ANKIB1: variants seen among roughly 807,000 people sequenced by gnomAD.
ANKIB1 encodes the protein ankyrin repeat and IBR domain-containing protein 1.
ANKIB1 carries 43 observed loss-of-function variants against 122.1 expected under a neutral mutation model. The ratio of observed to expected loss-of-function variants is 0.35; its 90% CI spans 0.28 to 0.45. ANKIB1 has a LOEUF of 0.45. ANKIB1 is among the 20% of genes least tolerant of loss of function. The probability of loss-of-function intolerance (pLI) is 1.00; values close to 1 mark genes in which losing one functional copy is unlikely to be tolerated. For synonymous variants in ANKIB1, 390 were observed against 442.0 expected (o/e 0.88, Z 1.48); for missense variants, 992 against 1,329.5 (o/e 0.75, Z 3.95).
intron 7 of ANKIB1, 142 bp from the exon 8 acceptor site, chr7:92,350,808 G>A (rs1473533226): frequency 1.4e-6 from 1 of 737,894 alleles, no homozygotes; most frequent in Non-Finnish European, 2.1e-6. Flanking sequence ...AGTGATCTGT[G>A]ATCGTGCCAC....
intron 1 of ANKIB1, among the ~76,000 whole-genome samples, chr7:92,276,002 T>G (rs1419526894): frequency 2.0e-5 from 3 of 152,226 alleles, no homozygotes; most frequent in Non-Finnish European, 4.4e-5. Flanking sequence ...CATATGTCTT[T>G]GTGTGTGGTA....
At chr7:92,349,704 T>C (rs1313087067) in intron 7 of ANKIB1, among the ~76,000 whole-genome samples, 3 of 152,180 alleles carry the variant, frequency 2.0e-5, no homozygotes, top group African/African-American at 7.2e-5. Context: ...GAATTCTTAC[T>C]CTATGTCATG....
At chr7:92,277,131 A>G (rs1801920953) in intron 1 of ANKIB1, among the ~76,000 whole-genome samples, 1 of 152,146 alleles carries the variant, frequency 6.6e-6, no homozygotes, top group South Asian at 2.1e-4. Flanking sequence ...AGGCCTCTCC[A>G]GAAGTGGAGC....
At position 92,246,329 on chromosome 7, in the gene ANKIB1, C is replaced by G. The variant is rs1285065452; in HGVS notation, c.-281C>G. On this transcript the variant is annotated 5_prime_UTR_variant, in exon 1 of 20. Transcript: ENST00000265742. ...CAGCGCTTCCCGCGGGCCGCCAGTG[C>G]GCACCCTCGGCCACATCAGCCTCCG... The G allele has an allele frequency of 2.4e-6, 1 of 422,404 alleles. No individual in the cohort carries two copies. Among genetic ancestry groups the G allele is most frequent in the Non-Finnish European group, 4.7e-6 (1 of 214,184 alleles). 26.2% of individuals were successfully genotyped at this position (422,404 alleles called of 1,614,324 possible). A position where few individuals can be genotyped will look rare whatever the true frequency, so the allele number is the denominator to read the frequency against.
At chr7:92,378,335 T>G (rs900481899) in intron 11 of ANKIB1, among the ~76,000 whole-genome samples, 1 of 152,128 alleles carries the variant, frequency 6.6e-6, no homozygotes, top group Non-Finnish European at 1.5e-5. Flanking sequence ...TTGGAGTATT[T>G]AGGATTTCTG....
chr7:92,366,685 A>C (rs919676037), intron 10 of ANKIB1, among the ~76,000 whole-genome samples: 1 of 152,174 alleles, frequency 6.6e-6, no homozygotes, highest in African/African-American at 2.4e-5. Context: ...AGTTCATTAT[A>C]ATCTTCTGTT....
At position 92,314,156 on chromosome 7, in the gene ANKIB1, G is replaced by T. The variant is rs979351208; in HGVS notation, c.487-5174G>T. ...CTACTAAAAATCAAAAAATTAGCCA[G>T]TCGTGGTGATGCACGCCTGTAGTCC... On this transcript the variant is annotated intron_variant, in intron 3 of 19. Transcript: ENST00000265742. 3.3e-5 allele frequency among the ~76,000 whole-genome samples: 5 copies of T among 151,986 alleles called. No homozygotes were observed. In the East Asian group the frequency reaches 7.7e-4, roughly 23 times the overall value.
chr7:92,278,075 ACT>A (rs773216823), intron 1 of ANKIB1, among the ~76,000 whole-genome samples: 4 of 150,174 alleles, frequency 2.7e-5, no homozygotes, highest in African/African-American at 4.9e-5. Context: ...CAAAAGTGAA[ACT>A]CTGTGTCAAA....
intron 15 of ANKIB1, among the ~76,000 whole-genome samples, chr7:92,390,903 A>G (rs955986144): frequency 9.9e-5 from 15 of 152,188 alleles, no homozygotes; most frequent in Admixed American, 2.6e-4. Flanking sequence ...TTTGTAATCT[A>G]TACCAATTTC....
In ANKIB1 at chr7:92,338,968, ATATT is replaced by A. The variant is rs1192918191; in HGVS notation, c.788-4052_788-4049del. Among the ~76,000 whole-genome samples the A allele has an allele frequency of 2.5e-3, 230 of 93,038 alleles. 4 individuals are homozygous for A. The highest frequency in any genetic ancestry group is 8.0e-3 in the East Asian group (15 of 1,872). The allele number at this position is 93,038 out of a possible 152,430, so 61.0% of individuals were successfully genotyped here. On this transcript the variant is annotated intron_variant, in intron 5 of 19. Coordinates refer to ENST00000265742, the MANE Select transcript of ANKIB1 (RefSeq NM_019004.2). ...TATATATATATATATATATATATAT[ATATT>A]TATATGAATCTTCCTTTTTTCTTTA...
At chr7:92,381,532 C>T (rs983420279) in intron 11 of ANKIB1, among the ~76,000 whole-genome samples, 3 of 152,330 alleles carry the variant, frequency 2.0e-5, no homozygotes, top group East Asian at 1.9e-4. Context: ...ATCAGACTAA[C>T]AGCGGATCTC....
chr7:92,371,354 GA>G (rs1804250412), intron 10 of ANKIB1, 122 bp from the exon 11 acceptor site: 2 of 839,912 alleles, frequency 2.4e-6, no homozygotes, highest in African/African-American at 3.5e-5. Context: ...ACCCTGATCA[GA>G]AAATAAATAT....
At chr7:92,247,218 T>A (rs1256494471) in intron 1 of ANKIB1, among the ~76,000 whole-genome samples, 2 of 152,228 alleles carry the variant, frequency 1.3e-5, no homozygotes, top group Non-Finnish European at 2.9e-5. Context: ...TACTGGTAGA[T>A]CTGACAGATA....
chr7:92,284,768 A>G (rs1802082850), intron 1 of ANKIB1, among the ~76,000 whole-genome samples: 1 of 152,166 alleles, frequency 6.6e-6, no homozygotes, highest in Admixed American at 6.5e-5. Context: ...GGCCCAGCTT[A>G]ATAATTTGTA....
chr7:92,393,064 A>G (rs923146696), intron 17 of ANKIB1, among the ~76,000 whole-genome samples: 2 of 152,054 alleles, frequency 1.3e-5, no homozygotes, highest in Non-Finnish European at 1.5e-5. Flanking sequence ...ATAACCCTTC[A>G]ACTTAATTTT....
chr7:92,366,152 G>A (rs1292274414), intron 10 of ANKIB1, among the ~76,000 whole-genome samples: 2 of 152,074 alleles, frequency 1.3e-5, no homozygotes, highest in African/African-American at 4.8e-5. Context: ...AATTAGTCTA[G>A]CATATTATTC....
chr7:92,325,730 C>T (rs1803013278), intron 4 of ANKIB1, among the ~76,000 whole-genome samples: 1 of 150,960 alleles, frequency 6.6e-6, no homozygotes, highest in Non-Finnish European at 1.5e-5. Flanking sequence ...TTCATAACTT[C>T]TTTATGTGAC....
intron 14 of ANKIB1, among the ~76,000 whole-genome samples, chr7:92,388,912 A>T (rs1315852148): frequency 6.6e-6 from 1 of 152,196 alleles, no homozygotes; most frequent in South Asian, 2.1e-4. Context: ...ATATAACTAT[A>T]TTAGGCAATA....
chr7:92,294,090 T>G (rs1802302663), intron 1 of ANKIB1, among the ~76,000 whole-genome samples: 1 of 152,168 alleles, frequency 6.6e-6, no homozygotes. Flanking sequence ...TATTTTGAAC[T>G]TCATGTCCAG....
Sources: allele counts gnomAD v4.1 joint callset (sites outside exome capture counted in the v4.1 genomes callset), GRCh38; gene constraint gnomAD v4.1.1; transcripts MANE v1.5; gene names NCBI Gene and HGNC (gene_info 2026-07-23, HGNC 2026-07-21).